USH2A: variants seen among roughly 807,000 people sequenced by gnomAD.
USH2A encodes the protein Usher syndrome 2A (autosomal recessive, mild).
In USH2A, 443 loss-of-function variants were observed where a neutral mutation model predicts 538.9. The observed-to-expected ratio is 0.82, with a 90% CI of 0.76 to 0.89. USH2A has a LOEUF of 0.89. USH2A is among the 40% of genes least tolerant of loss of function. The pLI is 0.00. For missense variants in USH2A, 6,633 were observed against 6,324.8 expected, an observed-to-expected ratio of 1.05 and a Z score of -1.65; for synonymous variants, 2,413 against 2,273.5, an observed-to-expected ratio of 1.06 and a Z score of -1.75.
At chr1:216,324,027 T>G in intron 7 of USH2A, 141 bp downstream of exon 7, 1 of 909,744 alleles carries the variant, frequency 1.1e-6, no homozygotes, top group South Asian at 1.8e-5. Flanking sequence ...TTAAGCCCAA[T>G]TTAGGGATAA....
At chr1:215,658,198 C>A (rs1344984463) in intron 64 of USH2A, among the ~76,000 whole-genome samples, 3 of 151,754 alleles carry the variant, frequency 2.0e-5, no homozygotes, top group African/African-American at 7.3e-5. Flanking sequence ...GCCTCCCAAC[C>A]CTGATTCACT....
At chr1:215,812,302 A>G (rs968171961) in intron 49 of USH2A, among the ~76,000 whole-genome samples, 1 of 151,874 alleles carries the variant, frequency 6.6e-6, no homozygotes, top group Non-Finnish European at 1.5e-5. Context: ...TAGGTTTTGA[A>G]TTTTCTGGGA....
intron 67 of USH2A, among the ~76,000 whole-genome samples, chr1:215,643,162 A>AT (rs1218233800): frequency 1.3e-5 from 2 of 151,742 alleles, no homozygotes; most frequent in African/African-American, 2.4e-5. Flanking sequence ...CACTCAGCTA[A>AT]TTTTTTTGGA....
At chr1:215,960,916 G>T (rs1476212603) in intron 37 of USH2A, among the ~76,000 whole-genome samples, 1 of 152,006 alleles carries the variant, frequency 6.6e-6, no homozygotes. Context: ...ATGCACTTGA[G>T]AATAACTTGG....
At chr1:216,163,974 A>G (rs74141515) in intron 21 of USH2A, among the ~76,000 whole-genome samples, 12 of 152,132 alleles carry the variant, frequency 7.9e-5, no homozygotes, top group Middle Eastern at 3.4e-3. Context: ...TCCAGCTTCT[A>G]TTTCTTTTCT....
At chr1:216,122,533 T>C (rs1042862963) in intron 21 of USH2A, among the ~76,000 whole-genome samples, 8 of 152,176 alleles carry the variant, frequency 5.3e-5, no homozygotes, top group African/African-American at 1.2e-4. Context: ...GCAGCAATAC[T>C]GGTTTTAGGA....
In USH2A at chr1:215,799,998, C is replaced by CA. The variant is rs962985058; in HGVS notation, c.9740-874dup. ...TATCTAAAAAACAAAAACAAACAAA[C>CA]AAAAAAAACAAAAAACAGAATTAGA... On this transcript the variant is annotated intron_variant, in intron 49 of 71. Coordinates refer to ENST00000307340, the MANE Select transcript of USH2A (RefSeq NM_206933.4). Among the ~76,000 whole-genome samples, 25 of 151,222 alleles carry CA rather than the reference C, an allele frequency of 1.7e-4. No homozygotes were observed. In the South Asian group the frequency reaches 1.7e-3, roughly 10 times the overall value.
At position 216,393,545 on chromosome 1, in the gene USH2A, T is replaced by C. The variant is rs371720030; in HGVS notation, c.651+24969A>G. ...TATTATTTATGAACTTAAACTCTTATGACTCTTGATTTTTTTATTTTCTCG... is the reference window on the plus strand; with the variant it reads ...TATTATTTATGAACTTAAACTCTTACGACTCTTGATTTTTTTATTTTCTCG... On this transcript the variant is annotated intron_variant, in intron 3 of 71. Coordinates refer to ENST00000307340, the MANE Select transcript of USH2A (RefSeq NM_206933.4). Among the ~76,000 whole-genome samples, 15 of 152,306 alleles carry C rather than the reference T, an allele frequency of 9.8e-5. No homozygotes were observed. In the East Asian group the frequency reaches 2.7e-3, roughly 27 times the overall value.
intron 32 of USH2A, among the ~76,000 whole-genome samples, chr1:216,025,192 G>A (rs1558218121): frequency 6.6e-6 from 1 of 151,716 alleles, no homozygotes; most frequent in Non-Finnish European, 1.5e-5. Context: ...AGTAAATTGT[G>A]AGAGTATTAA....
intron 62 of USH2A, among the ~76,000 whole-genome samples, chr1:215,678,051 C>A (rs1658091158): frequency 6.6e-6 from 1 of 152,168 alleles, no homozygotes; most frequent in Non-Finnish European, 1.5e-5. Flanking sequence ...TCATCTCTAT[C>A]TTCTGAATGT....
chr1:215,673,731 A>C lies in USH2A; in HGVS notation c.13811+369T>G, dbSNP rs531861231. Among the ~76,000 whole-genome samples the C allele has an allele frequency of 3.9e-5, 6 of 152,300 alleles. No homozygotes were observed. The East Asian group carries it at 1.2e-3, about 29-fold the overall frequency. On this transcript the variant is annotated intron_variant, in intron 63 of 71. Transcript: ENST00000307340. Reference sequence around the variant, plus strand: ...GCACTTTTTAACCTTAAAATAATACATCATTTTCTTCACAGTCTGGCCAGA... The same window carrying C: ...GCACTTTTTAACCTTAAAATAATACCTCATTTTCTTCACAGTCTGGCCAGA...
chr1:215,952,910 T>C (rs1271136800), intron 37 of USH2A, among the ~76,000 whole-genome samples: 2 of 152,166 alleles, frequency 1.3e-5, no homozygotes, highest in Admixed American at 1.3e-4. Flanking sequence ...AGCATTCTTA[T>C]ACACCAATAA....
At chr1:216,321,853 T>G (rs542495116) in intron 9 of USH2A, 30 bp downstream of exon 9, 1 of 1,586,238 alleles carries the variant, frequency 6.3e-7, no homozygotes, top group Admixed American at 1.7e-5. Flanking sequence ...TATTTTTTTT[T>G]TAGATTTCCA....
intron 37 of USH2A, among the ~76,000 whole-genome samples, chr1:215,960,258 G>A (rs781189340): frequency 2.2e-4 from 34 of 152,024 alleles, no homozygotes; most frequent in Non-Finnish European, 4.6e-4. Context: ...AAATGGAATA[G>A]AATTTATAAT....
intron 62 of USH2A, among the ~76,000 whole-genome samples, chr1:215,677,818 T>C (rs1658084209): frequency 6.6e-6 from 1 of 152,202 alleles, no homozygotes; most frequent in Non-Finnish European, 1.5e-5. Flanking sequence ...TCTGGCACCA[T>C]GGGTTTATAT....
chr1:216,152,440 AC>A (rs2033856290), intron 21 of USH2A, among the ~76,000 whole-genome samples: 1 of 138,904 alleles, frequency 7.2e-6, no homozygotes, highest in African/African-American at 2.7e-5. Context: ...AATCACCCCC[AC>A]TGAGCACCTT....
chr1:216,103,129 G>A (rs766285437), intron 21 of USH2A, among the ~76,000 whole-genome samples: 15 of 152,170 alleles, frequency 9.9e-5, no homozygotes, highest in East Asian at 1.9e-4. Flanking sequence ...AAAAATCCAC[G>A]TATGATGTTA....
At chr1:216,102,829 C>A (rs967206454) in intron 21 of USH2A, among the ~76,000 whole-genome samples, 4 of 152,078 alleles carry the variant, frequency 2.6e-5, no homozygotes, top group African/African-American at 7.2e-5. Context: ...ACCCTTGTAT[C>A]TTTTGATATA....
chr1:216,419,422 G>A (rs2039638201), intron 2 of USH2A, among the ~76,000 whole-genome samples: 1 of 152,072 alleles, frequency 6.6e-6, no homozygotes, highest in African/African-American at 2.4e-5. Context: ...ATTATTTTAA[G>A]TTATCTCTAC....
Sources: gnomAD v4.1 joint callset for allele counts (sites outside exome capture counted in the v4.1 genomes callset) on GRCh38, gnomAD v4.1.1 for gene constraint, MANE v1.5 for transcripts, NCBI Gene and HGNC (gene_info 2026-07-23, HGNC 2026-07-21) for gene names.